Variants in RAB3GAP2 observed in about 807,000 individuals in gnomAD.
RAB3GAP2 encodes the protein RAB3 GTPase activating non-catalytic protein subunit 2, also known as rab3 GTPase-activating protein non-catalytic subunit.
RAB3GAP2 carries 87 observed loss-of-function variants against 185.3 expected under a neutral mutation model. That is an observed-to-expected ratio of 0.47 (90% CI 0.39 to 0.56). The LOEUF (loss-of-function observed/expected upper bound fraction) is 0.56, where lower values mean the gene tolerates loss of function less well. Among genes scored for constraint, RAB3GAP2 ranks in the 20% least tolerant of loss-of-function variants. The pLI is 0.00. For missense variants in RAB3GAP2, 1,492 were observed against 1,638.2 expected, an observed-to-expected ratio of 0.91 and a Z score of 1.54; for synonymous variants, 554 against 576.1, an observed-to-expected ratio of 0.96 and a Z score of 0.55.
chr1:220,227,747 TTGTTTGTTTGTC>T (rs1324840453), intron 2 of RAB3GAP2, among the ~76,000 whole-genome samples: 5 of 152,180 alleles, frequency 3.3e-5, no homozygotes, highest in African/African-American at 9.7e-5. Flanking sequence ...TAATTGTTTT[TTGTTTGTTTGTC>T]TGTTTGTTTG....
At position 220,191,298 on chromosome 1, in the gene RAB3GAP2, G is replaced by A. The variant is rs1658614987; in HGVS notation, c.1271-14C>T. The A allele has an allele frequency of 7.5e-7, 1 of 1,336,890 alleles. No individual in the cohort carries two copies. 82.8% of individuals were successfully genotyped at this position (1,336,890 alleles called of 1,614,324 possible). ...CGTCGCGGTACCCTTAGAGACAGAGGTAAAGGGAAGTTAATTACTTAATCT... is the reference window on the plus strand; with the variant it reads ...CGTCGCGGTACCCTTAGAGACAGAGATAAAGGGAAGTTAATTACTTAATCT... On this transcript the variant is annotated splice_polypyrimidine_tract_variant and intron_variant, in intron 13 of 34. Transcript: ENST00000358951.
chr1:220,180,476 T>C lies in RAB3GAP2; in HGVS notation c.2310+1781A>G, dbSNP rs56058106. Among the ~76,000 whole-genome samples, 582 of 152,112 alleles carry C rather than the reference T, an allele frequency of 3.8e-3. 6 individuals are homozygous for C. Among genetic ancestry groups the C allele is most frequent in the African/African-American group, 0.014 (568 of 41,504 alleles). On this transcript the variant is annotated intron_variant, in intron 21 of 34. Coordinates refer to ENST00000358951, the MANE Select transcript of RAB3GAP2 (RefSeq NM_012414.4). The stretch of plus-strand genomic sequence containing the variant: ...AAAGAAAACATTACAATTGATACCA[T>C]AGAAATACAAAGGATCATTAGAGAC...
At chr1:220,231,319 A>ACTCC (rs1558163915) in intron 2 of RAB3GAP2, among the ~76,000 whole-genome samples, 1 of 151,662 alleles carries the variant, frequency 6.6e-6, no homozygotes, top group Non-Finnish European at 1.5e-5. Context: ...CATGTTGTTG[A>ACTCC]CTCCCTGTTG....
Position 220,158,335 on chromosome 1 carries a change from A to C in RAB3GAP2, c.3262-459T>G, listed in dbSNP as rs1244932629. On this transcript the variant is annotated intron_variant, in intron 29 of 34. Coordinates refer to ENST00000358951, the MANE Select transcript of RAB3GAP2 (RefSeq NM_012414.4). This position sits in a 1 kb window ranked among gnomAD's most constrained non-coding sequence, Gnocchi z 4.3. ...AACCCGACCCTCTGAGCAAAACTAG[A>C]ATCCTCAAGCTTGAGAACTAAATAC... 6.6e-6 allele frequency among the ~76,000 whole-genome samples: 1 copy of C among 152,170 alleles called. No homozygotes were observed. Among genetic ancestry groups the C allele is most frequent in the African/African-American group, 2.4e-5 (1 of 41,440 alleles).
chr1:220,272,250 G>A lies in RAB3GAP2; in HGVS notation c.88C>T (p.Leu30Phe). 1 of 1,610,412 alleles carries A rather than the reference G, an allele frequency of 6.2e-7. No individual in the cohort carries two copies. The highest frequency in any genetic ancestry group is 2.2e-5 in the East Asian group (1 of 44,714). ...GGGTCCCTCCGCAAGGCGCCGCTGA[G>A]GATCTCCTCCCGCAGGTGAGGAAAG... ...FLFPHLREEI[L>F]SGALRRDPSK... Residue 30 changes from leucine to phenylalanine, a missense_variant, in exon 1 of 35, where the codon CTC becomes TTC. This residue lies in a region of RAB3GAP2 where 177 missense variants were observed against 160.6 expected (regional missense o/e 1.10). Transcript: ENST00000358951.
intron 28 of RAB3GAP2, among the ~76,000 whole-genome samples, chr1:220,160,900 T>C (rs1657952658): frequency 6.6e-6 from 1 of 152,196 alleles, no homozygotes; most frequent in African/African-American, 2.4e-5. Context: ...CCACAGAACC[T>C]AGCATAGTCT....
At chr1:220,206,042 G>C in intron 7 of RAB3GAP2, 36 bp from the exon 8 acceptor site, 1 of 1,310,546 alleles carries the variant, frequency 7.6e-7, no homozygotes, top group Non-Finnish European at 1.1e-6. Context: ...TTCTTGAATA[G>C]ATAAATAAGC....
chr1:220,150,262 T>C lies in RAB3GAP2; in HGVS notation c.*989A>G, dbSNP rs1657723988. 1 of 152,428 alleles carries C rather than the reference T, an allele frequency of 6.6e-6. No individual in the cohort carries two copies. Among genetic ancestry groups the C allele is most frequent in the South Asian group, 2.1e-4 (1 of 4,822 alleles). 9.4% of individuals were successfully genotyped at this position (152,428 alleles called of 1,614,324 possible). A position where few individuals can be genotyped will look rare whatever the true frequency, so the allele number is the denominator to read the frequency against. ...AGCACTTGGACTGCTCTAGGCACTA[T>C]AGGGTACAAAATTAGTTGTATTTTA... On this transcript the variant is annotated 3_prime_UTR_variant, in exon 35 of 35. Transcript: ENST00000358951.
intron 34 of RAB3GAP2, 31 bp from the exon 35 acceptor site, chr1:220,151,437 T>C (rs931013947): frequency 9.3e-6 from 15 of 1,613,476 alleles, no homozygotes; most frequent in Non-Finnish European, 1.3e-5. Context: ...TAACCTATTA[T>C]AGACAACTAA....
intron 31 of RAB3GAP2, among the ~76,000 whole-genome samples, chr1:220,155,451 T>G (rs561612867): frequency 3.3e-5 from 5 of 152,334 alleles, no homozygotes; most frequent in Non-Finnish European, 7.3e-5. Context: ...GAGAAGTATT[T>G]AAAGATTTAG....
At position 220,229,828 on chromosome 1, in the gene RAB3GAP2, G is replaced by A. The variant is rs191086380; in HGVS notation, c.180+2971C>T. 5.3e-5 allele frequency among the ~76,000 whole-genome samples: 8 copies of A among 152,298 alleles called. No homozygotes were observed. The East Asian group carries it at 1.5e-3, about 29-fold the overall frequency. ...TAAATGCATGTGTCCACTTTAGTAT[G>A]CAATGCCTGTGAGGTTTATTCCAGA... is the stretch of plus-strand genomic sequence containing the variant. On this transcript the variant is annotated intron_variant, in intron 2 of 34. Coordinates refer to ENST00000358951, the MANE Select transcript of RAB3GAP2 (RefSeq NM_012414.4).
chr1:220,195,483 T>G (rs1658706812), intron 10 of RAB3GAP2, 106 bp from the exon 11 acceptor site: 7 of 1,047,134 alleles, frequency 6.7e-6, no homozygotes, highest in Non-Finnish European at 8.9e-6. Context: ...TTGTAAAGGC[T>G]GGACTAGCAA....
chr1:220,201,629 A>C (rs565320634), intron 9 of RAB3GAP2, among the ~76,000 whole-genome samples: 24 of 152,136 alleles, frequency 1.6e-4, no homozygotes, highest in Non-Finnish European at 3.1e-4. Context: ...CCTCCTAAGT[A>C]GCTGGGAATA....
At chr1:220,200,183 C>G (rs930982710) in intron 9 of RAB3GAP2, among the ~76,000 whole-genome samples, 4 of 152,164 alleles carry the variant, frequency 2.6e-5, no homozygotes, top group Admixed American at 1.3e-4. Context: ...ATCCCTGATG[C>G]TCCTCTACCT....
chr1:220,181,436 A>G (rs952810922), intron 21 of RAB3GAP2, among the ~76,000 whole-genome samples: 1 of 152,190 alleles, frequency 6.6e-6, no homozygotes, highest in Non-Finnish European at 1.5e-5. Flanking sequence ...ACAAAGAAGA[A>G]CAAGGAAGAT....
chr1:220,198,021 C>T (rs1393303494), intron 9 of RAB3GAP2, among the ~76,000 whole-genome samples: 1 of 152,120 alleles, frequency 6.6e-6, no homozygotes, highest in Non-Finnish European at 1.5e-5. Context: ...TTCACAATTT[C>T]GAGTTTAAAC....
chr1:220,169,514 C>A (rs1408771595), intron 24 of RAB3GAP2, among the ~76,000 whole-genome samples: 2 of 152,072 alleles, frequency 1.3e-5, no homozygotes, highest in African/African-American at 4.8e-5. Context: ...AGTAAGATTT[C>A]GATATCCATG....
chr1:220,230,546 A>G (rs1659479082), intron 2 of RAB3GAP2, among the ~76,000 whole-genome samples: 1 of 152,158 alleles, frequency 6.6e-6, no homozygotes, highest in African/African-American at 2.4e-5. Flanking sequence ...TAATCTCCTC[A>G]TGGAGTTTTT....
chr1:220,191,589 C>A lies in RAB3GAP2; in HGVS notation c.1271-305G>T, dbSNP rs866846687. ...ATTCCAGCACTTTGGGAAGCTGAGGCGGGTGGATCACCTGAGGTCAGGAGT... is the reference window on the plus strand; with the variant it reads ...ATTCCAGCACTTTGGGAAGCTGAGGAGGGTGGATCACCTGAGGTCAGGAGT... On this transcript the variant is annotated intron_variant, in intron 13 of 34. Transcript: ENST00000358951. Among the ~76,000 whole-genome samples, 4 of 151,966 alleles carry A rather than the reference C, an allele frequency of 2.6e-5. No homozygotes were observed. The South Asian group carries it at 8.3e-4, about 32-fold the overall frequency.
Sources: gnomAD v4.1 joint callset for allele counts (sites outside exome capture counted in the v4.1 genomes callset) on GRCh38, gnomAD v4.1.1 for gene constraint, gnomAD v4.1.1 regional missense constraint, Gnocchi (gnomAD v3.1) non-coding constraint, MANE v1.5 for transcripts, NCBI Gene and HGNC (gene_info 2026-07-23, HGNC 2026-07-21) for gene names.